Variants in VKORC1L1 observed in about 807,000 individuals in gnomAD.
The protein encoded by VKORC1L1 is vitamin K epoxide reductase complex subunit 1-like protein 1.
Under a neutral mutation model 18.9 loss-of-function variants are expected in VKORC1L1, and 2 were observed. The observed-to-expected ratio is 0.11, with a 90% CI of 0.04 to 0.33. The LOEUF is 0.33. Ranked by LOEUF, VKORC1L1 falls within the 10% of genes least tolerant of loss-of-function variation. The pLI is 1.00. For synonymous variants in VKORC1L1, 96 were observed against 100.0 expected (o/e 0.96, Z 0.24); for missense variants, 123 against 224.1 (o/e 0.55, Z 2.88).
At chr7:65,923,273 A>G (rs915084915) in intron 1 of VKORC1L1, among the ~76,000 whole-genome samples, 15 of 151,946 alleles carry the variant, frequency 9.9e-5, no homozygotes, top group African/African-American at 3.1e-4. Flanking sequence ...GTTGTGGTGC[A>G]TGCCTGTAAT....
intron 1 of VKORC1L1, among the ~76,000 whole-genome samples, chr7:65,882,537 G>C (rs1472113930): frequency 1.3e-5 from 2 of 151,700 alleles, no homozygotes; most frequent in African/African-American, 4.8e-5. Context: ...GTCTCACTTT[G>C]TGTATAGAAA....
At chr7:65,901,445 C>G (rs181252572) in intron 1 of VKORC1L1, among the ~76,000 whole-genome samples, 91 of 152,320 alleles carry the variant, frequency 6.0e-4, no homozygotes, top group Non-Finnish European at 1.2e-3. Context: ...ATAACAAGGA[C>G]TGGGTTTACC....
the VKORC1L1 span, among the ~76,000 whole-genome samples, chr7:65,867,194 G>T: frequency 6.6e-6 from 1 of 151,760 alleles, no homozygotes; most frequent in African/African-American, 2.4e-5. Context: ...ACTAAAAAAA[G>T]AAAGAAGAAG....
intron 1 of VKORC1L1, among the ~76,000 whole-genome samples, chr7:65,928,202 G>A (rs1157520500): frequency 2.0e-5 from 3 of 150,712 alleles, no homozygotes; most frequent in Non-Finnish European, 4.4e-5. Context: ...TAGTCATGTA[G>A]CCACTATTAG....
rs1433252065 is a variant in VKORC1L1 at position 65,893,496 on chromosome 7, T to G, written c.194+19931T>G. Among the ~76,000 whole-genome samples the G allele has an allele frequency of 3.9e-5, 6 of 152,156 alleles. No individual in the cohort carries two copies. The East Asian group carries it at 1.2e-3, about 29-fold the overall frequency. On this transcript the variant is annotated intron_variant, in intron 1 of 2. Transcript: ENST00000360768. ...GTGGAGAGGTTACAGTGAGCCGAGA[T>G]CATGCCACTGCACTCCAGCCTGGGT...
intron 1 of VKORC1L1, among the ~76,000 whole-genome samples, chr7:65,934,146 A>G (rs1198470866): frequency 1.3e-5 from 2 of 152,182 alleles, no homozygotes; most frequent in Admixed American, 1.3e-4. Context: ...CTGTAATCCC[A>G]GCACTTTGGG....
At chr7:65,895,496 TATATATATATATATATATATAC>T (rs1339976692) in intron 1 of VKORC1L1, among the ~76,000 whole-genome samples, 5 of 89,986 alleles carry the variant, frequency 5.6e-5, no homozygotes, top group Admixed American at 3.8e-4. Flanking sequence ...TATATATATA[TATATATATATATATATATATAC>T]ACACACACAC....
intron 1 of VKORC1L1, among the ~76,000 whole-genome samples, chr7:65,896,620 C>T (rs964514865): frequency 3.5e-5 from 5 of 141,884 alleles, no homozygotes; most frequent in African/African-American, 1.3e-4. Flanking sequence ...TTTCTTCTTC[C>T]TCTTTCTCTT....
At chr7:65,937,115 T>TTTGTTGTTG (rs140101281) in intron 1 of VKORC1L1, among the ~76,000 whole-genome samples, 7 of 151,948 alleles carry the variant, frequency 4.6e-5, no homozygotes, top group African/African-American at 1.7e-4. Flanking sequence ...TGGGTTTTGT[T>TTTGTTGTTG]TTGTTGTTGT....
At chr7:65,879,665 CT>C (rs1414431491) in intron 1 of VKORC1L1, among the ~76,000 whole-genome samples, 3 of 151,798 alleles carry the variant, frequency 2.0e-5, no homozygotes, top group African/African-American at 7.3e-5. Flanking sequence ...TCCTTTCTTC[CT>C]TTCCCTCCCA....
the VKORC1L1 span, among the ~76,000 whole-genome samples, chr7:65,867,199 A>G: frequency 1.3e-5 from 2 of 151,808 alleles, no homozygotes; most frequent in Non-Finnish European, 2.9e-5. Context: ...AAAAAGAAAG[A>G]AGAAGGAGAA....
chr7:65,945,702 C>G (rs1452340023), intron 1 of VKORC1L1, among the ~76,000 whole-genome samples: 1 of 151,966 alleles, frequency 6.6e-6, no homozygotes, highest in African/African-American at 2.4e-5. Flanking sequence ...GAGGGAACAT[C>G]TCTGTATTAG....
intron 1 of VKORC1L1, among the ~76,000 whole-genome samples, chr7:65,916,068 G>A (rs1364432239): frequency 6.8e-6 from 1 of 148,146 alleles, no homozygotes; most frequent in Non-Finnish European, 1.5e-5. Flanking sequence ...CCAAGATCAC[G>A]CTACTCTACT....
chr7:65,867,652 C>T, the VKORC1L1 span, among the ~76,000 whole-genome samples: 1 of 152,234 alleles, frequency 6.6e-6, no homozygotes, highest in East Asian at 1.9e-4. Context: ...TGGCCTCTCC[C>T]TGTGATCTGG....
At chr7:65,947,686 T>C (rs1436252779) in intron 1 of VKORC1L1, among the ~76,000 whole-genome samples, 1 of 152,096 alleles carries the variant, frequency 6.6e-6, no homozygotes, top group Non-Finnish European at 1.5e-5. Flanking sequence ...GTTTCTGATA[T>C]TATCCTGCAT....
intron 1 of VKORC1L1, among the ~76,000 whole-genome samples, chr7:65,905,660 C>A (rs1409161527): frequency 6.6e-6 from 1 of 152,060 alleles, no homozygotes; most frequent in East Asian, 1.9e-4. Context: ...CCGTGTAAAT[C>A]TTTACATCAT....
At chr7:65,936,573 C>G (rs1250900040) in intron 1 of VKORC1L1, among the ~76,000 whole-genome samples, 1 of 152,158 alleles carries the variant, frequency 6.6e-6, no homozygotes. Flanking sequence ...AGTGATTTGT[C>G]TGCAATTTGA....
In VKORC1L1 at chr7:65,884,766, A is replaced by T. The variant is rs549023255; in HGVS notation, c.194+11201A>T. Among the ~76,000 whole-genome samples, 320 of 152,336 alleles carry T rather than the reference A, an allele frequency of 2.1e-3. 1 individual carries two copies. The highest frequency in any genetic ancestry group is 6.9e-3 in the African/African-American group (286 of 41,570). ...TTTTTTAGATATTTGCCAATATGAT[A>T]TATGAAAATTGTCATGTTATTGTTT... On this transcript the variant is annotated intron_variant, in intron 1 of 2. Coordinates refer to ENST00000360768, the MANE Select transcript of VKORC1L1 (RefSeq NM_173517.6).
intron 1 of VKORC1L1, among the ~76,000 whole-genome samples, chr7:65,938,179 G>A (rs945146677): frequency 2.6e-5 from 4 of 151,844 alleles, no homozygotes; most frequent in African/African-American, 4.8e-5. Flanking sequence ...CTGTGCGACC[G>A]AGCGAGACTC....
Sources: gnomAD v4.1 joint callset for allele counts (sites outside exome capture counted in the v4.1 genomes callset) on GRCh38, gnomAD v4.1.1 for gene constraint, MANE v1.5 for transcripts, NCBI Gene and HGNC (gene_info 2026-07-23, HGNC 2026-07-21) for gene names.